The following KIF13B variants were observed in gnomAD, a reference collection of about 807,000 sequenced individuals.
The protein encoded by KIF13B is kinesin-like protein KIF13B.
A neutral mutation model predicts 222.0 loss-of-function variants in KIF13B; 127 were observed. That is an observed-to-expected ratio of 0.57 (90% CI 0.50 to 0.66). The LOEUF (loss-of-function observed/expected upper bound fraction) is 0.66, where lower values mean the gene tolerates loss of function less well. Among genes scored for constraint, KIF13B ranks in the 30% least tolerant of loss-of-function variants. KIF13B has a pLI of 0.00. For synonymous variants in KIF13B, 976 were observed against 919.0 expected (o/e 1.06, Z -1.12); for missense variants, 2,173 against 2,379.0 (o/e 0.91, Z 1.80).
intron 7 of KIF13B, 29 bp downstream of exon 7, chr8:29,181,890 T>C (rs1812727510): frequency 6.5e-7 from 1 of 1,544,082 alleles, no homozygotes. Flanking sequence ...ACACTAAATT[T>C]AAATAGTTCA....
At chr8:29,154,823 C>T (rs1177201135) in intron 14 of KIF13B, among the ~76,000 whole-genome samples, 1 of 152,220 alleles carries the variant, frequency 6.6e-6, no homozygotes, top group African/African-American at 2.4e-5. Context: ...GCCACACCAG[C>T]TTCTGCTCCT....
intron 6 of KIF13B, 104 bp from the exon 7 acceptor site, chr8:29,182,110 A>AAAT (rs1299547646): frequency 1.3e-5 from 10 of 775,228 alleles, no homozygotes; most frequent in Non-Finnish European, 2.0e-5. Flanking sequence ...GAAAGACCCC[A>AAAT]AATAAGTAAA....
intron 2 of KIF13B, among the ~76,000 whole-genome samples, chr8:29,228,472 A>AAAAAAAAAAAAAAAAATATATATAT: frequency 2.3e-4 from 27 of 117,066 alleles, no homozygotes; most frequent in Admixed American, 4.5e-4. Flanking sequence ...ATCTTAAAAA[A>AAAAAAAAAAAAAAAAATATATATAT]ATATATATAT....
At chr8:29,153,477 C>A (rs1306015191) in intron 14 of KIF13B, among the ~76,000 whole-genome samples, 1 of 142,306 alleles carries the variant, frequency 7.0e-6, no homozygotes, top group Non-Finnish European at 1.5e-5. Context: ...GGGTAGAATA[C>A]CACTAAGGGA....
intron 8 of KIF13B, among the ~76,000 whole-genome samples, chr8:29,178,606 G>A (rs1242929489): frequency 6.9e-6 from 1 of 145,132 alleles, no homozygotes; most frequent in Non-Finnish European, 1.5e-5. Context: ...TAAACATGCT[G>A]TTAACAAAAG....
chr8:29,207,446 C>T (rs151214376), intron 2 of KIF13B, among the ~76,000 whole-genome samples: 4 of 152,210 alleles, frequency 2.6e-5, no homozygotes, highest in African/African-American at 7.2e-5. Context: ...ACACAGAAGG[C>T]GTTTCTTTCC....
chr8:29,229,088 T>TAAAAA (rs370080449), intron 2 of KIF13B, among the ~76,000 whole-genome samples: 8 of 94,676 alleles, frequency 8.4e-5, no homozygotes, highest in Non-Finnish European at 1.4e-4. Flanking sequence ...ATGTCAGCTT[T>TAAAAA]AAAAAAAAAA....
intron 13 of KIF13B, among the ~76,000 whole-genome samples, chr8:29,159,421 A>T (rs909298667): frequency 5.9e-5 from 9 of 152,194 alleles, no homozygotes; most frequent in African/African-American, 2.2e-4. Flanking sequence ...AAGTGCTGGG[A>T]TTACAGGTGT....
At chr8:29,073,454 C>T (rs1395343651) in intron 38 of KIF13B, among the ~76,000 whole-genome samples, 2 of 152,298 alleles carry the variant, frequency 1.3e-5, no homozygotes, top group Non-Finnish European at 2.9e-5. Flanking sequence ...CTGGGGCATT[C>T]TTTCATCTAT....
At chr8:29,081,963 A>G (rs1299801138) in intron 37 of KIF13B, among the ~76,000 whole-genome samples, 1 of 152,258 alleles carries the variant, frequency 6.6e-6, no homozygotes, top group African/African-American at 2.4e-5. Context: ...TGATCTAGAA[A>G]TCACAAGTTT....
Position 29,070,915 on chromosome 8 carries a change from T to G in KIF13B, c.5219-149A>C. The G allele has an allele frequency of 4.6e-6, 4 of 874,454 alleles. No individual in the cohort carries two copies. Among genetic ancestry groups the G allele is most frequent in the Non-Finnish European group, 5.3e-6 (3 of 570,972 alleles). 54.2% of individuals were successfully genotyped at this position (874,454 alleles called of 1,614,324 possible). ...CAGCACTCGGACACTGGCCATTGTC[T>G]GGCAGGGACTGGCTAAATGAATGTG... On this transcript the variant is annotated intron_variant, in intron 39 of 39. Coordinates refer to ENST00000524189, the MANE Select transcript of KIF13B (RefSeq NM_015254.4). This position sits in a 1 kb window ranked among gnomAD's most constrained non-coding sequence, Gnocchi z 4.1.
chr8:29,108,040 G>A (rs1467306358), intron 35 of KIF13B, 99 bp downstream of exon 35: 2 of 980,218 alleles, frequency 2.0e-6, no homozygotes, highest in African/African-American at 1.6e-5. Context: ...GATGAGTAGA[G>A]GAAATTCTGG....
chr8:29,165,004 C>T (rs1049692288), intron 12 of KIF13B, among the ~76,000 whole-genome samples: 5 of 152,126 alleles, frequency 3.3e-5, no homozygotes, highest in African/African-American at 9.7e-5. Context: ...TGTGCCACCA[C>T]GCCTAGCTAA....
At chr8:29,189,546 A>G (rs1012621771) in intron 4 of KIF13B, 2 of 152,238 alleles carry the variant, frequency 1.3e-5, no homozygotes, top group African/African-American at 4.8e-5. Flanking sequence ...TAGAAGAATA[A>G]TAGAGTAACA....
chr8:29,171,500 TGAA>T (rs1450502317), intron 10 of KIF13B, among the ~76,000 whole-genome samples: 1 of 152,150 alleles, frequency 6.6e-6, no homozygotes, highest in Non-Finnish European at 1.5e-5. Context: ...GAAATTATGT[TGAA>T]GAATACTGGA....
chr8:29,115,388 G>A (rs572935778), intron 31 of KIF13B, among the ~76,000 whole-genome samples: 1 of 150,444 alleles, frequency 6.6e-6, no homozygotes, highest in Non-Finnish European at 1.5e-5. Flanking sequence ...GTGCAACGGT[G>A]CAATCTTGGC....
chr8:29,124,907 G>C (rs1431414599), intron 26 of KIF13B, among the ~76,000 whole-genome samples: 2 of 151,586 alleles, frequency 1.3e-5, no homozygotes, highest in Admixed American at 1.3e-4. Flanking sequence ...AAAATTAGCT[G>C]GGCATGGTGG....
chr8:29,171,192 G>A (rs933162295), intron 10 of KIF13B, among the ~76,000 whole-genome samples: 2 of 152,114 alleles, frequency 1.3e-5, no homozygotes, highest in African/African-American at 4.8e-5. Context: ...CACGTTAAGA[G>A]GCCCACATTT....
At chr8:29,158,037 A>ACTAGCTG (rs1811616104) in intron 13 of KIF13B, among the ~76,000 whole-genome samples, 1 of 152,080 alleles carries the variant, frequency 6.6e-6, no homozygotes, top group Non-Finnish European at 1.5e-5. Context: ...CACTGAGCCT[A>ACTAGCTG]TTTCCATCCT....
Sources: gnomAD v4.1 joint callset for allele counts (sites outside exome capture counted in the v4.1 genomes callset) on GRCh38, gnomAD v4.1.1 for gene constraint, Gnocchi (gnomAD v3.1) non-coding constraint, MANE v1.5 for transcripts, NCBI Gene and HGNC (gene_info 2026-07-23, HGNC 2026-07-21) for gene names.